Variants in TAF5L observed in about 807,000 individuals in gnomAD.
TAF5L encodes the protein TAF5-like RNA polymerase II p300/CBP-associated factor-associated factor 65 kDa subunit 5L.
A neutral mutation model predicts 51.3 loss-of-function variants in TAF5L; 7 were observed. The ratio of observed to expected loss-of-function variants is 0.14; its 90% CI spans 0.08 to 0.26. The LOEUF is 0.26. Ranked by LOEUF, TAF5L falls within the 10% of genes least tolerant of loss-of-function variation. The probability of loss-of-function intolerance (pLI) is 1.00; values close to 1 mark genes in which losing one functional copy is unlikely to be tolerated. For synonymous variants in TAF5L, 291 were observed against 308.1 expected, an observed-to-expected ratio of 0.94 and a Z score of 0.58; for missense variants, 575 against 758.9, an observed-to-expected ratio of 0.76 and a Z score of 2.85.
intron 3 of TAF5L, among the ~76,000 whole-genome samples, chr1:229,609,135 G>C (rs904749827): frequency 6.6e-6 from 1 of 152,110 alleles, no homozygotes; most frequent in African/African-American, 2.4e-5. Context: ...TATGGTCCCC[G>C]CCCTCATGGA....
At chr1:229,620,688 C>A (rs12742022) in intron 1 of TAF5L, among the ~76,000 whole-genome samples, 14,736 of 152,232 alleles carry the variant, frequency 0.097, 951 homozygotes, top group Non-Finnish European at 0.14. Context: ...TGTTTTACAG[C>A]ACAGAAAAAC....
intron 2 of TAF5L, among the ~76,000 whole-genome samples, chr1:229,613,502 A>AAAACCAC (rs1224894157): frequency 6.6e-6 from 1 of 152,230 alleles, no homozygotes; most frequent in African/African-American, 2.4e-5. Flanking sequence ...TTTGGGGAAA[A>AAAACCAC]AAACCACCAA....
rs974855514 is a variant in TAF5L at position 229,625,332 on chromosome 1, C to A, written c.-4+553G>T. Among the ~76,000 whole-genome samples, 1 of 152,164 alleles carries A rather than the reference C, an allele frequency of 6.6e-6. No individual in the cohort carries two copies. Among genetic ancestry groups the A allele is most frequent in the African/African-American group, 2.4e-5 (1 of 41,454 alleles). On this transcript the variant is annotated intron_variant, in intron 1 of 4. Coordinates refer to ENST00000258281, the Ensembl canonical transcript of TAF5L. The surrounding 1 kb of genome is among the most constrained non-coding windows in gnomAD (Gnocchi z 4.0). Reference sequence around the variant, plus strand: ...TGAGGCAACGAGCCCCGAGAGACACCCTTGCAGGTAAGCACTCTCCTGCAG... The same window carrying A: ...TGAGGCAACGAGCCCCGAGAGACACACTTGCAGGTAAGCACTCTCCTGCAG...
intron 1 of TAF5L, among the ~76,000 whole-genome samples, chr1:229,623,528 G>A (rs1665300647): frequency 6.6e-6 from 1 of 152,106 alleles, no homozygotes; most frequent in Non-Finnish European, 1.5e-5. Context: ...CCCGCACTTC[G>A]CAGCTCAGCT....
Position 229,614,330 on chromosome 1 carries a change from C to T in TAF5L, c.142+11G>A, listed in dbSNP as rs149106544. On this transcript the variant is annotated intron_variant, in intron 2 of 4. Coordinates refer to ENST00000258281, the Ensembl canonical transcript of TAF5L. ...CCAGGCTCACCCCACCAGACGAGCCCCCACCATTACCTGTTAGATTGGCCG... is the reference window on the plus strand; with the variant it reads ...CCAGGCTCACCCCACCAGACGAGCCTCCACCATTACCTGTTAGATTGGCCG... 6 of 1,614,228 alleles carry T rather than the reference C, an allele frequency of 3.7e-6. No homozygotes were observed. In the African/African-American group the frequency reaches 5.3e-5, roughly 14 times the overall value.
rs144263219 is a variant in TAF5L at position 229,623,189 on chromosome 1, G to A, written c.-4+2696C>T. 2.6e-3 allele frequency among the ~76,000 whole-genome samples: 396 copies of A among 152,280 alleles called. 3 individuals carry two copies. The highest frequency in any genetic ancestry group is 9.1e-3 in the African/African-American group (378 of 41,564). On this transcript the variant is annotated intron_variant, in intron 1 of 4. Coordinates refer to ENST00000258281, the Ensembl canonical transcript of TAF5L. ...CTGGGGAGGCTGAGGCAGGAGAATC[G>A]CTTGAACCCGGAAGGCGGAGGTTGC... is the stretch of plus-strand genomic sequence containing the variant.
chr1:229,603,401 G>A (rs10916525), intron 3 of TAF5L, among the ~76,000 whole-genome samples: 78,141 of 152,042 alleles, frequency 0.51, 20,463 homozygotes, highest in East Asian at 0.77. Flanking sequence ...CTGGATGTCC[G>A]CTTAACAAGT....
At chr1:229,614,172 G>T in intron 2 of TAF5L, 169 bp downstream of exon 2, 1 of 1,062,734 alleles carries the variant, frequency 9.4e-7, no homozygotes, top group South Asian at 1.4e-5. Context: ...CTAAATGACA[G>T]ACAGGGTCTC....
chr1:229,599,461 C>G (rs1288754316), intron 4 of TAF5L: 1 of 157,642 alleles, frequency 6.3e-6, no homozygotes, highest in Non-Finnish European at 1.4e-5. Flanking sequence ...TTGCCCAGCC[C>G]CTGGCAACCA....
chr1:229,593,438 CTTTT>C (rs1353437815), exon 5 of TAF5L: 2 of 152,070 alleles, frequency 1.3e-5, no homozygotes, highest in Non-Finnish European at 2.9e-5. Flanking sequence ...CATAATCTTT[CTTTT>C]GAGGGGAGAG....
intron 4 of TAF5L, among the ~76,000 whole-genome samples, chr1:229,596,611 G>A (rs1664138276): frequency 6.6e-6 from 1 of 152,178 alleles, no homozygotes; most frequent in African/African-American, 2.4e-5. Context: ...AGAAAAGACG[G>A]CAACTAATGG....
At chr1:229,622,841 C>T (rs1665265253) in intron 1 of TAF5L, among the ~76,000 whole-genome samples, 3 of 152,174 alleles carry the variant, frequency 2.0e-5, no homozygotes, top group African/African-American at 7.2e-5. Flanking sequence ...TCTCAAACTC[C>T]TGTGCTCAAG....
At chr1:229,621,307 C>A (rs1665193727) in intron 1 of TAF5L, among the ~76,000 whole-genome samples, 1 of 152,182 alleles carries the variant, frequency 6.6e-6, no homozygotes, top group African/African-American at 2.4e-5. Flanking sequence ...CATAACACTT[C>A]TGCTTACTAA....
chr1:229,616,813 ATATAT>A (rs1665020388), intron 1 of TAF5L, among the ~76,000 whole-genome samples: 1 of 152,226 alleles, frequency 6.6e-6, no homozygotes, highest in Non-Finnish European at 1.5e-5. Flanking sequence ...GACATTATAT[ATATAT>A]TAAACTATAT....
chr1:229,600,098 T>C (rs1664315155), intron 4 of TAF5L: 2 of 980,932 alleles, frequency 2.0e-6, no homozygotes, highest in African/African-American at 1.7e-5. Flanking sequence ...CTGTTTTAAT[T>C]ATGCATTCTA....
chr1:229,594,993 G>A lies in TAF5L; in HGVS notation c.1074C>T (p.Leu358=). The change falls in exon 5 of 5, where the codon CTC becomes CTT. Residue 358 remains leucine, a synonymous_variant. Coordinates refer to ENST00000258281, the Ensembl canonical transcript of TAF5L. This position sits in a 1 kb window ranked among gnomAD's most constrained non-coding sequence, Gnocchi z 7.9. Reference sequence around the variant, plus strand: ...TGATGGACATGTCTTCAGAACAAGAGAGCAACCCTGAGCTGTCCGCGAGGA... The same window carrying A: ...TGATGGACATGTCTTCAGAACAAGAAAGCAACCCTGAGCTGTCCGCGAGGA... 6 of 1,614,200 alleles carry A rather than the reference G, an allele frequency of 3.7e-6. No individual in the cohort carries two copies. Among genetic ancestry groups the A allele is most frequent in the Non-Finnish European group, 5.1e-6 (6 of 1,180,036 alleles).
At chr1:229,616,879 G>A (rs776736960) in intron 1 of TAF5L, among the ~76,000 whole-genome samples, 1 of 152,146 alleles carries the variant, frequency 6.6e-6, no homozygotes, top group Non-Finnish European at 1.5e-5. Context: ...TTGCCAAAGA[G>A]TTCAAAATAT....
chr1:229,621,833 A>G (rs1665210661), intron 1 of TAF5L, among the ~76,000 whole-genome samples: 1 of 152,190 alleles, frequency 6.6e-6, no homozygotes, highest in Non-Finnish European at 1.5e-5. Flanking sequence ...TATCTTAAAC[A>G]CCAGTGTCTG....
At chr1:229,601,869 C>T in intron 4 of TAF5L, 1 of 1,099,758 alleles carries the variant, frequency 9.1e-7, no homozygotes, top group Non-Finnish European at 1.1e-6. Context: ...TGTGCACACA[C>T]ATAAGTGTAT....
Sources: gnomAD v4.1 joint callset for allele counts (sites outside exome capture counted in the v4.1 genomes callset) on GRCh38, gnomAD v4.1.1 for gene constraint, Gnocchi (gnomAD v3.1) non-coding constraint, MANE v1.5 for transcripts, NCBI Gene and HGNC (gene_info 2026-07-23, HGNC 2026-07-21) for gene names.